ZNF827: variants seen among roughly 807,000 people sequenced by gnomAD.
ZNF827 encodes zinc finger protein 827.
In ZNF827, 13 loss-of-function variants were observed where a neutral mutation model predicts 102.4. The observed-to-expected ratio is 0.13, with a 90% CI of 0.08 to 0.20. ZNF827 has a LOEUF of 0.20. ZNF827 is among the 10% of genes least tolerant of loss of function. The probability of loss-of-function intolerance (pLI) is 1.00; values close to 1 mark genes in which losing one functional copy is unlikely to be tolerated. For synonymous variants in ZNF827, 523 were observed against 536.2 expected, an observed-to-expected ratio of 0.98 and a Z score of 0.34; for missense variants, 1,103 against 1,344.4, an observed-to-expected ratio of 0.82 and a Z score of 2.81.
At chr4:145,788,998 A>G (rs1171747986) in intron 8 of ZNF827, among the ~76,000 whole-genome samples, 2 of 152,202 alleles carry the variant, frequency 1.3e-5, no homozygotes, top group Non-Finnish European at 2.9e-5. Flanking sequence ...TTCCACTGCT[A>G]TTAGAGGCTG....
chr4:145,851,274 ATAG>A (rs1746502660), intron 5 of ZNF827, among the ~76,000 whole-genome samples: 3 of 27,302 alleles, frequency 1.1e-4, no homozygotes, highest in East Asian at 0.011. Context: ...GAAACTTCAG[ATAG>A]ATAGATAGAT....
At chr4:145,867,121 TAAC>T (rs906415140) in intron 5 of ZNF827, among the ~76,000 whole-genome samples, 5 of 152,264 alleles carry the variant, frequency 3.3e-5, no homozygotes, top group African/African-American at 1.2e-4. Context: ...TTGTGTCACA[TAAC>T]AACAAGTAGT....
At chr4:145,802,655 AT>A (rs901012972) in intron 8 of ZNF827, among the ~76,000 whole-genome samples, 6 of 152,240 alleles carry the variant, frequency 3.9e-5, no homozygotes, top group Admixed American at 6.5e-5. Context: ...CTCAACCAAC[AT>A]TTTTTAAAAG....
intron 8 of ZNF827, among the ~76,000 whole-genome samples, chr4:145,802,620 C>A (rs7663822): frequency 0.95 from 144,993 of 152,340 alleles, 69,044 homozygotes; most frequent in East Asian, 0.97. Flanking sequence ...ACCCGCCAGC[C>A]GATTATAAAA....
intron 11 of ZNF827, among the ~76,000 whole-genome samples, chr4:145,766,102 T>C (rs958190013): frequency 2.0e-5 from 3 of 152,202 alleles, no homozygotes; most frequent in Non-Finnish European, 2.9e-5. Context: ...ACAACTGTTA[T>C]CAGCCCCATT....
chr4:145,761,502 C>G lies in ZNF827; in HGVS notation c.*114G>C. Reference sequence around the variant, plus strand: ...GCTCCAGCTGGTTGGCCTTCACCGTCTGGCAGATCCGGCACTTGTACTCCA... The same window carrying G: ...GCTCCAGCTGGTTGGCCTTCACCGTGTGGCAGATCCGGCACTTGTACTCCA... On this transcript the variant is annotated 3_prime_UTR_variant, in exon 15 of 15. Coordinates refer to ENST00000508784, the MANE Select transcript of ZNF827 (RefSeq NM_001306215.2). This position sits in a 1 kb window ranked among gnomAD's most constrained non-coding sequence, Gnocchi z 6.8. 2 of 1,289,818 alleles carry G rather than the reference C, an allele frequency of 1.6e-6. No individual in the cohort carries two copies. Among genetic ancestry groups the G allele is most frequent in the Non-Finnish European group, 2.0e-6 (2 of 988,860 alleles). The allele number at this position is 1,289,818 out of a possible 1,614,324, so 79.9% of individuals were successfully genotyped here.
chr4:145,938,047 CT>C (rs1754360203), intron 1 of ZNF827, among the ~76,000 whole-genome samples: 1 of 150,986 alleles, frequency 6.6e-6, no homozygotes, highest in African/African-American at 2.4e-5. Context: ...CTCTTGCCCC[CT>C]CCCCCCAGCA....
At chr4:145,918,473 C>T (rs1232850398) in intron 1 of ZNF827, among the ~76,000 whole-genome samples, 13 of 145,978 alleles carry the variant, frequency 8.9e-5, no homozygotes, top group African/African-American at 3.1e-4. Flanking sequence ...TGCACCACTG[C>T]ACTCCAGCCT....
At chr4:145,931,293 G>C (rs1346764979) in intron 1 of ZNF827, among the ~76,000 whole-genome samples, 1 of 152,190 alleles carries the variant, frequency 6.6e-6, no homozygotes, top group African/African-American at 2.4e-5. Context: ...ATGAATTACT[G>C]AGCTACACCT....
chr4:145,836,310 A>G (rs983349871), intron 7 of ZNF827, among the ~76,000 whole-genome samples: 2 of 151,978 alleles, frequency 1.3e-5, no homozygotes, highest in Admixed American at 1.3e-4. Context: ...GAATTCTTAC[A>G]CAAGAGCCAG....
intron 7 of ZNF827, among the ~76,000 whole-genome samples, chr4:145,827,810 T>G (rs1560969122): frequency 6.6e-6 from 1 of 152,240 alleles, no homozygotes; most frequent in Non-Finnish European, 1.5e-5. Context: ...CACAAGGAAC[T>G]AAGAAAACAG....
intron 2 of ZNF827, among the ~76,000 whole-genome samples, chr4:145,893,733 AT>A (rs1750776513): frequency 6.6e-6 from 1 of 152,212 alleles, no homozygotes; most frequent in Non-Finnish European, 1.5e-5. Flanking sequence ...AAATGTCCTT[AT>A]AAAAAATTAA....
intron 5 of ZNF827, among the ~76,000 whole-genome samples, chr4:145,867,279 C>T (rs1408777199): frequency 6.6e-6 from 1 of 152,142 alleles, no homozygotes; most frequent in Non-Finnish European, 1.5e-5. Flanking sequence ...TCAGATTTTC[C>T]CCAATGCACA....
In ZNF827 at chr4:145,902,364, C is replaced by T; in HGVS notation, c.895G>A (p.Ala299Thr). 1 of 1,611,370 alleles carries T rather than the reference C, an allele frequency of 6.2e-7. No individual in the cohort carries two copies. The highest frequency in any genetic ancestry group is 8.5e-7 in the Non-Finnish European group (1 of 1,178,298). Residue 299 changes from alanine (A) to threonine (T), a missense_variant, in exon 2 of 15, where the codon GCG (alanine) becomes ACG (threonine). Ala to Thr is a moderately conservative substitution (Grantham distance 58). Transcript: ENST00000508784. The surrounding 1 kb of genome is among the most constrained non-coding windows in gnomAD (Gnocchi z 4.3). ...GATTTCTCAGCCAGAAGACTGCCCG[C>T]AGCCCTTGCGGCCACCTCCTTCAGA... The part of the protein sequence containing the change: ...ALLKEVAARA[A>T]GSLLAEKSSL...
chr4:145,903,076 C>T lies in ZNF827; in HGVS notation c.183G>A (p.Gln61=). 6.2e-7 allele frequency: 1 copy of T among 1,614,196 alleles called. No homozygotes were observed. Among genetic ancestry groups the T allele is most frequent in the Non-Finnish European group, 8.5e-7 (1 of 1,180,046 alleles). Residue 61 remains glutamine, a synonymous_variant, in exon 2 of 15, where the codon CAG becomes CAA. Coordinates refer to ENST00000508784, the MANE Select transcript of ZNF827 (RefSeq NM_001306215.2). ...AGGTGTCCGGGGACGTGGACTGCTC[C>T]TGGATCCGGTCCTCCAGAGACAACT... ...NYKLSLEDRI[Q]EQSTSPDTSL...
intron 5 of ZNF827, among the ~76,000 whole-genome samples, chr4:145,864,420 C>CAA (rs34745619): frequency 0.014 from 854 of 60,710 alleles, 15 homozygotes; most frequent in Middle Eastern, 0.019. Flanking sequence ...CTTGTCTCTA[C>CAA]AAAAAAAAAA....
At chr4:145,863,595 C>T (rs978539049) in intron 5 of ZNF827, among the ~76,000 whole-genome samples, 1 of 152,092 alleles carries the variant, frequency 6.6e-6, no homozygotes, top group Non-Finnish European at 1.5e-5. Flanking sequence ...CATAGAAAAA[C>T]CTTGAAAACA....
rs375195633 is a variant in ZNF827 at position 145,845,962 on chromosome 4, G to C, written c.2273C>G (p.Thr758Arg). Residue 758 changes from threonine (T) to arginine (R), a missense_variant, in exon 7 of 15, where the codon ACG (threonine) becomes AGG (arginine). By Grantham distance (71) the Thr-to-Arg change is moderately conservative. Coordinates refer to ENST00000508784, the MANE Select transcript of ZNF827 (RefSeq NM_001306215.2). ...NHTKENTIRT[T>R]TSPFFSEDTF... ...CCCACACAAAGTCGCCTACCTGGTC[G>C]TGGTCCGGATGGTGTTTTCTTTTGT... 1 of 1,614,076 alleles carries C rather than the reference G, an allele frequency of 6.2e-7. No individual in the cohort carries two copies. Among genetic ancestry groups the C allele is most frequent in the Non-Finnish European group, 8.5e-7 (1 of 1,180,036 alleles).
At position 145,836,527 on chromosome 4, in the gene ZNF827, C is replaced by T. The variant is rs546068669; in HGVS notation, c.2279+9429G>A. On this transcript the variant is annotated intron_variant, in intron 7 of 14. Coordinates refer to ENST00000508784, the MANE Select transcript of ZNF827 (RefSeq NM_001306215.2). ...CCTGACGCATATACTTTCTGCTCCC[C>T]GGCTCCTTCAGCTGTACTCACTCTT... is the stretch of plus-strand genomic sequence containing the variant. 8.5e-5 allele frequency among the ~76,000 whole-genome samples: 13 copies of T among 152,310 alleles called. No homozygotes were observed. The East Asian group carries it at 1.4e-3, about 16-fold the overall frequency.
Sources: allele counts gnomAD v4.1 joint callset (sites outside exome capture counted in the v4.1 genomes callset), GRCh38; gene constraint gnomAD v4.1.1; non-coding constraint Gnocchi (gnomAD v3.1); transcripts MANE v1.5; gene names NCBI Gene and HGNC (gene_info 2026-07-23, HGNC 2026-07-21).